Variants in CCDC125 observed in about 807,000 individuals in gnomAD.
CCDC125 encodes coiled-coil domain-containing protein 125.
In CCDC125, 43 loss-of-function variants were observed where a neutral mutation model predicts 57.4. The ratio of observed to expected loss-of-function variants is 0.75; its 90% CI spans 0.59 to 0.97. CCDC125 has a LOEUF of 0.97. CCDC125 is among the 50% of genes least tolerant of loss of function. CCDC125 has a pLI of 0.00. For missense variants in CCDC125, 563 were observed against 595.7 expected, an observed-to-expected ratio of 0.95 and a Z score of 0.57; for synonymous variants, 187 against 195.2, an observed-to-expected ratio of 0.96 and a Z score of 0.35.
At chr5:69,295,898 T>G (rs1219116051) in intron 8 of CCDC125, among the ~76,000 whole-genome samples, 5 of 151,778 alleles carry the variant, frequency 3.3e-5, no homozygotes, top group Non-Finnish European at 7.4e-5. Context: ...TTTTTTTTTT[T>G]TTTGAGATGG....
In CCDC125 at chr5:69,282,908, G is replaced by A; in HGVS notation, c.1357C>T (p.Pro453Ser). The change falls in exon 12 of 12, where the codon CCT (proline) becomes TCT (serine). Residue 453 changes from proline to serine, a missense_variant. Transcript: ENST00000396496. Reference protein sequence around the residue: ...KEKNPIKENFPFNNPWRKTSE... With the variant: ...KEKNPIKENFSFNNPWRKTSE... The stretch of plus-strand genomic sequence containing the variant: ...GTCTTACGCCAGGGGTTGTTGAAAG[G>A]GAAATTCTCTTTTATAGGATTTTTT... The A allele has an allele frequency of 1.2e-6, 2 of 1,614,050 alleles. No homozygotes were observed. Among genetic ancestry groups the A allele is most frequent in the Non-Finnish European group, 1.7e-6 (2 of 1,180,000 alleles).
At chr5:69,301,564 G>A (rs747112960) in intron 7 of CCDC125, among the ~76,000 whole-genome samples, 2 of 151,870 alleles carry the variant, frequency 1.3e-5, no homozygotes, top group African/African-American at 2.4e-5. Flanking sequence ...GTGAAACCCC[G>A]TCTCTACAGA....
Position 69,286,074 on chromosome 5 carries a change from T to C in CCDC125, c.1100-607A>G, listed in dbSNP as rs1420328851. Among the ~76,000 whole-genome samples, 5 of 151,226 alleles carry C rather than the reference T, an allele frequency of 3.3e-5. No individual in the cohort carries two copies. The South Asian group carries it at 8.4e-4, about 25-fold the overall frequency. ...GGGGAAGTGAGGAGTTACTGTTTCA[T>C]GGGACAGGGTCTCTGTAAAGAAAGA... On this transcript the variant is annotated intron_variant, in intron 10 of 11. Transcript: ENST00000396496.
At chr5:69,319,189 A>G (rs146770511) in intron 2 of CCDC125, among the ~76,000 whole-genome samples, 1,562 of 152,204 alleles carry the variant, frequency 0.01, 24 homozygotes, top group African/African-American at 0.036. Context: ...CAGCCTCCCA[A>G]AGTGCTGGGA....
At chr5:69,314,737 G>A (rs1758732333) in intron 2 of CCDC125, among the ~76,000 whole-genome samples, 1 of 151,980 alleles carries the variant, frequency 6.6e-6, no homozygotes, top group Non-Finnish European at 1.5e-5. Flanking sequence ...CCAGGAGTTC[G>A]AGGCTGCAGC....
At chr5:69,321,741 A>T (rs1760052520) in intron 1 of CCDC125, among the ~76,000 whole-genome samples, 1 of 152,210 alleles carries the variant, frequency 6.6e-6, no homozygotes, top group Admixed American at 6.5e-5. Flanking sequence ...CAGGGAAAAA[A>T]GTTTCTTTCT....
At chr5:69,307,868 G>T in intron 5 of CCDC125, 83 bp downstream of exon 5, 1 of 1,016,754 alleles carries the variant, frequency 9.8e-7, no homozygotes, top group Non-Finnish European at 1.5e-6. Context: ...ACAAGTGACA[G>T]ATCCATTAGT....
chr5:69,290,620 C>CT (rs1160739346), intron 10 of CCDC125, among the ~76,000 whole-genome samples: 10 of 122,396 alleles, frequency 8.2e-5, no homozygotes, highest in Non-Finnish European at 1.4e-4. Context: ...TTTTTTTTTT[C>CT]TTTTTTTTCT....
intron 9 of CCDC125, chr5:69,294,299 G>T: frequency 9.8e-6 from 2 of 203,398 alleles, no homozygotes; most frequent in Non-Finnish European, 1.7e-5. Flanking sequence ...CAAATATCAT[G>T]CCAAGTACTT....
rs186285048 is a variant in CCDC125 at position 69,315,188 on chromosome 5, G to A, written c.305-1142C>T. 3.0e-3 allele frequency among the ~76,000 whole-genome samples: 449 copies of A among 151,546 alleles called. 1 individual carries two copies. The highest frequency in any genetic ancestry group is 0.028 in the Middle Eastern group (8 of 290). On this transcript the variant is annotated intron_variant, in intron 2 of 11. Coordinates refer to ENST00000396496, the MANE Select transcript of CCDC125 (RefSeq NM_176816.5). The stretch of plus-strand genomic sequence containing the variant: ...GGAGAATTGCTTGAACCCAGGAGGC[G>A]GAGGTTGCAGTGAGCTGAGATTGCA...
chr5:69,317,471 TGAGCTACCAC>T (rs200564490), intron 2 of CCDC125, among the ~76,000 whole-genome samples: 1,550 of 152,304 alleles, frequency 0.01, 22 homozygotes, highest in African/African-American at 0.036. Context: ...GGATGAACCC[TGAGCTACCAC>T]GAGCTACCAC....
intron 3 of CCDC125, among the ~76,000 whole-genome samples, chr5:69,313,086 T>C (rs1561463018): frequency 6.6e-6 from 1 of 151,652 alleles, no homozygotes; most frequent in Non-Finnish European, 1.5e-5. Flanking sequence ...TTAAAGAAAA[T>C]ACAGGCCCCC....
intron 9 of CCDC125, among the ~76,000 whole-genome samples, chr5:69,293,657 A>AG (rs1754860612): frequency 1.3e-5 from 2 of 151,848 alleles, no homozygotes; most frequent in African/African-American, 4.8e-5. Context: ...CAAAAAAAAA[A>AG]AAAAACCCAA....
chr5:69,285,514 C>G, intron 10 of CCDC125, 47 bp from the exon 11 acceptor site: 1 of 1,554,382 alleles, frequency 6.4e-7, no homozygotes, highest in Non-Finnish European at 8.7e-7. Context: ...AATATCCTCA[C>G]TGATATACTT....
At chr5:69,277,554 G>A (rs1752264358), downstream of CCDC125, 1 of 153,394 alleles carries the variant, frequency 6.5e-6, no homozygotes, top group African/African-American at 2.4e-5. Flanking sequence ...CGGATCACAG[G>A]TCAGGAGATC....
chr5:69,284,085 A>G (rs1182984989), intron 11 of CCDC125, among the ~76,000 whole-genome samples: 1 of 152,006 alleles, frequency 6.6e-6, no homozygotes, highest in Admixed American at 6.6e-5. Context: ...CACTGTGCCC[A>G]GCCCCGACGA....
At chr5:69,276,744 C>G (rs750961947), downstream of CCDC125, 1 of 1,468,366 alleles carries the variant, frequency 6.8e-7, no homozygotes, top group South Asian at 1.2e-5. Flanking sequence ...CTCCAAATAG[C>G]TCGTGTATGG....
chr5:69,297,836 G>C (rs554869159), intron 8 of CCDC125, among the ~76,000 whole-genome samples: 1 of 151,112 alleles, frequency 6.6e-6, no homozygotes, highest in African/African-American at 2.4e-5. Context: ...TATGATAATG[G>C]TGTGCACCCG....
chr5:69,314,100 C>T, intron 2 of CCDC125, 54 bp from the exon 3 acceptor site: 1 of 1,199,442 alleles, frequency 8.3e-7, no homozygotes, highest in African/African-American at 1.5e-5. Flanking sequence ...AATATTTTAA[C>T]TAATTAAACA....
Sources: allele counts gnomAD v4.1 joint callset (sites outside exome capture counted in the v4.1 genomes callset), GRCh38; gene constraint gnomAD v4.1.1; transcripts MANE v1.5; gene names NCBI Gene and HGNC (gene_info 2026-07-23, HGNC 2026-07-21).